Variants in AVPR1B observed in about 807,000 individuals in gnomAD.
AVPR1B encodes the protein arginine vasopressin receptor 1B, also known as vasopressin V1b receptor.
Under a neutral mutation model 27.5 loss-of-function variants are expected in AVPR1B, and 25 were observed. The observed-to-expected ratio is 0.91, with a 90% CI of 0.66 to 1.27. The LOEUF is 1.27. AVPR1B is among the 50% of genes most tolerant of loss of function. The pLI, the probability that AVPR1B is intolerant of heterozygous loss-of-function variation, is 0.00. For missense variants in AVPR1B, 595 were observed against 556.9 expected (o/e 1.07, Z -0.69); for synonymous variants, 248 against 240.2 (o/e 1.03, Z -0.30).
rs1571881239 is a variant in AVPR1B, at chr1:206,110,143, A to C, written c.*46T>G. 6.5e-7 allele frequency: 1 copy of C among 1,542,610 alleles called. No homozygotes were observed. The highest frequency in any genetic ancestry group is 8.8e-7 in the Non-Finnish European group (1 of 1,142,038). On this transcript the variant is annotated 3_prime_UTR_variant, in exon 2 of 2. Coordinates refer to ENST00000367126, the MANE Select transcript of AVPR1B (RefSeq NM_000707.5). ...TTCCAGTGCCCGAGGTGGGCAGAGAACCTCCACTAGTCCTGGGGGCAGTAC... is the reference window on the plus strand; with the variant it reads ...TTCCAGTGCCCGAGGTGGGCAGAGACCCTCCACTAGTCCTGGGGGCAGTAC...
chr1:206,115,399 C>T (rs1663446885), intron 1 of AVPR1B, among the ~76,000 whole-genome samples: 1 of 152,186 alleles, frequency 6.6e-6, no homozygotes, highest in East Asian at 1.9e-4. Context: ...GTTCGTGGCA[C>T]CAAGAACCTG....
In AVPR1B at chr1:206,116,289, G is replaced by T. The variant is rs782684981; in HGVS notation, c.602C>A (p.Thr201Asn). Residue 201 changes from threonine to asparagine, a missense_variant, in exon 1 of 2, where the codon ACC becomes AAC. Thr to Asn is a moderately conservative substitution (Grantham distance 65, BLOSUM62 0). Transcript: ENST00000367126. Reference protein sequence around the residue: ...GFPWGPRAYLTWTTLAIFVLP... With the variant: ...GFPWGPRAYLNWTTLAIFVLP... ...AACGAAGATAGCCAGGGTGGTCCAG[G>T]TGAGGTAGGCCCGTGGCCCCCAAGG... The T allele has an allele frequency of 1.2e-6, 2 of 1,613,612 alleles. No homozygotes were observed. Among genetic ancestry groups the T allele is most frequent in the Non-Finnish European group, 1.7e-6 (2 of 1,180,046 alleles).
At chr1:206,110,749 T>C (rs1430703359) in intron 1 of AVPR1B, among the ~76,000 whole-genome samples, 1 of 152,206 alleles carries the variant, frequency 6.6e-6, no homozygotes, top group South Asian at 2.1e-4. Context: ...GTTTTTGTTG[T>C]GTAACTGCAG....
chr1:206,113,049 C>T (rs1311426977), intron 1 of AVPR1B, among the ~76,000 whole-genome samples: 1 of 152,156 alleles, frequency 6.6e-6, no homozygotes, highest in East Asian at 1.9e-4. Context: ...TCTGCTCCAT[C>T]GATGTGCATT....
chr1:206,115,911 G>A (rs2102339712), intron 1 of AVPR1B, 40 bp downstream of exon 1: 1 of 1,545,026 alleles, frequency 6.5e-7, no homozygotes, highest in East Asian at 2.3e-5. Context: ...CTCTCTTTCT[G>A]TCTCTCCCAC....
In AVPR1B at chr1:206,109,195, G is replaced by A. The variant is rs1046090981; in HGVS notation, c.*994C>T. Among the ~76,000 whole-genome samples the A allele has an allele frequency of 6.6e-6, 1 of 152,172 alleles. No individual in the cohort carries two copies. The highest frequency in any genetic ancestry group is 1.9e-4 in the East Asian group (1 of 5,192). The stretch of plus-strand genomic sequence containing the variant: ...AGGCAGAGCTGAGATTCAAACCCGG[G>A]CTCCTAACTGGATCACAGCATCCAT... On this transcript the variant is annotated 3_prime_UTR_variant, in exon 2 of 2. Transcript: ENST00000367126.
In AVPR1B at chr1:206,107,137, C is replaced by T. The variant is rs574280471; in HGVS notation, c.*3052G>A. On this transcript the variant is annotated 3_prime_UTR_variant, in exon 2 of 2. Coordinates refer to ENST00000367126, the MANE Select transcript of AVPR1B (RefSeq NM_000707.5). ...ATTCTGAGAAATCCCCGTAGTCAAC[C>T]GATGAACCCCTCCTGTCCTCCTCTC... is the stretch of plus-strand genomic sequence containing the variant. Among the ~76,000 whole-genome samples, 59 of 152,296 alleles carry T rather than the reference C, an allele frequency of 3.9e-4. No individual in the cohort carries two copies. In the South Asian group the frequency reaches 0.012, roughly 31 times the overall value.
chr1:206,110,645 A>T (rs1571881871), intron 1 of AVPR1B, 122 bp from the exon 2 acceptor site: 1 of 821,440 alleles, frequency 1.2e-6, no homozygotes, highest in East Asian at 2.7e-5. Context: ...GAAAGGAGTC[A>T]CTCAGTGTCC....
At position 206,115,281 on chromosome 1, in the gene AVPR1B, C is replaced by G. The variant is rs553266253; in HGVS notation, c.940+670G>C. Among the ~76,000 whole-genome samples, 3 of 152,244 alleles carry G rather than the reference C, an allele frequency of 2.0e-5. No individual in the cohort carries two copies. In the South Asian group the frequency reaches 6.2e-4, roughly 32 times the overall value. On this transcript the variant is annotated intron_variant, in intron 1 of 1. Coordinates refer to ENST00000367126, the MANE Select transcript of AVPR1B (RefSeq NM_000707.5). ...AGGCCCAAAGTACACCAAACTGACGCCGATCTCATTTCACAGAGCTTAGCC... is the reference window on the plus strand; with the variant it reads ...AGGCCCAAAGTACACCAAACTGACGGCGATCTCATTTCACAGAGCTTAGCC...
rs782305101 is a variant in AVPR1B, at chr1:206,110,332, T to A, written c.1132A>T (p.Thr378Ser). The A allele has an allele frequency of 6.2e-7, 1 of 1,612,800 alleles. No individual in the cohort carries two copies. The highest frequency in any genetic ancestry group is 8.5e-7 in the Non-Finnish European group (1 of 1,179,644). ...SDGSLSSRHTTLLTRSSCPAT... is the reference protein window; with the variant it reads ...SDGSLSSRHTSLLTRSSCPAT... ...GGGCAGCTGGAGCGGGTCAGCAGCG[T>A]GGTGTGGCGGCTCGAGAGGCTGCCG... Residue 378 changes from threonine to serine, a missense_variant, in exon 2 of 2, where the codon ACG becomes TCG. Transcript: ENST00000367126.
Position 206,116,016 on chromosome 1 carries a change from G to C in AVPR1B, c.875C>G (p.Ala292Gly), listed in dbSNP as rs1011962366. The change falls in exon 1 of 2, where the codon GCT becomes GGT. Residue 292 changes from alanine (A) to glycine (G), a missense_variant. Coordinates refer to ENST00000367126, the MANE Select transcript of AVPR1B (RefSeq NM_000707.5). Reference protein sequence around the residue: ...MTFVIVLAYIACWAPFFSVQM... With the variant: ...MTFVIVLAYIGCWAPFFSVQM... The stretch of plus-strand genomic sequence containing the variant: ...GACACTGAAGAAGGGAGCCCAGCAA[G>C]CGATGTAGGCCAGCACGATGACAAA... 2 of 1,614,180 alleles carry C rather than the reference G, an allele frequency of 1.2e-6. No individual in the cohort carries two copies. The highest frequency in any genetic ancestry group is 1.7e-6 in the Non-Finnish European group (2 of 1,179,996).
intron 1 of AVPR1B, among the ~76,000 whole-genome samples, chr1:206,114,713 A>T (rs957784615): frequency 2.0e-5 from 3 of 152,152 alleles, no homozygotes; most frequent in Non-Finnish European, 4.4e-5. Context: ...TTTTAAAATC[A>T]GGGTTATTAA....
At chr1:206,114,644 T>C (rs1474649634) in intron 1 of AVPR1B, among the ~76,000 whole-genome samples, 1 of 152,190 alleles carries the variant, frequency 6.6e-6, no homozygotes, top group Non-Finnish European at 1.5e-5. Flanking sequence ...CACAGTCCTC[T>C]TAGAGGTTCC....
At position 206,110,307 on chromosome 1, in the gene AVPR1B, G is replaced by A. The variant is rs568334919; in HGVS notation, c.1157C>T (p.Pro386Leu). The A allele has an allele frequency of 1.5e-4, 234 of 1,613,656 alleles. No homozygotes were observed. The highest frequency in any genetic ancestry group is 4.0e-4 in the Admixed American group (24 of 60,004). Reference sequence around the variant, plus strand: ...GCTGAGGCTGAGGCTGAGGGTGGCCGGGCAGCTGGAGCGGGTCAGCAGCGT... The same window carrying A: ...GCTGAGGCTGAGGCTGAGGGTGGCCAGGCAGCTGGAGCGGGTCAGCAGCGT... Reference protein sequence around the residue: ...HTTLLTRSSCPATLSLSLSLT... With the variant: ...HTTLLTRSSCLATLSLSLSLT... The change falls in exon 2 of 2, where the codon CCG becomes CTG. Residue 386 changes from proline to leucine, a missense_variant. Coordinates refer to ENST00000367126, the MANE Select transcript of AVPR1B (RefSeq NM_000707.5).
At position 206,110,529 on chromosome 1, in the gene AVPR1B, A is replaced by G. The variant is rs782144529; in HGVS notation, c.941-6T>C. 6.3e-7 allele frequency: 1 copy of G among 1,596,574 alleles called. No individual in the cohort carries two copies. Among genetic ancestry groups the G allele is most frequent in the Non-Finnish European group, 8.6e-7 (1 of 1,168,660 alleles). On this transcript the variant is annotated splice_region_variant and splice_polypyrimidine_tract_variant and intron_variant, in intron 1 of 1. Coordinates refer to ENST00000367126, the MANE Select transcript of AVPR1B (RefSeq NM_000707.5). ...GAAAGCCACATTGGTGGAATCTACCAAGAGAGAAGCATGAGAAGCCTCAGA... is the reference window on the plus strand; with the variant it reads ...GAAAGCCACATTGGTGGAATCTACCGAGAGAGAAGCATGAGAAGCCTCAGA...
rs1409301153 is a variant in AVPR1B, at chr1:206,109,126, C to G, written c.*1063G>C. Among the ~76,000 whole-genome samples the G allele has an allele frequency of 6.6e-6, 1 of 152,122 alleles. No individual in the cohort carries two copies. The highest frequency in any genetic ancestry group is 6.6e-5 in the Admixed American group (1 of 15,262). On this transcript the variant is annotated 3_prime_UTR_variant, in exon 2 of 2. Transcript: ENST00000367126. ...TATTACACAGGTGAGGAGACTGGGTCCTGGAAAGGGAGAGTGACTCACCCA... is the reference window on the plus strand; with the variant it reads ...TATTACACAGGTGAGGAGACTGGGTGCTGGAAAGGGAGAGTGACTCACCCA...
Position 206,109,999 on chromosome 1 carries a change from T to C in AVPR1B, c.*190A>G, listed in dbSNP as rs1395895640. ...GCCAGTGTCTGAGATTGGGAGCTTA[T>C]GAGGCAGCCCTCACACTAGGGGCAG... On this transcript the variant is annotated 3_prime_UTR_variant, in exon 2 of 2. Coordinates refer to ENST00000367126, the MANE Select transcript of AVPR1B (RefSeq NM_000707.5). 1.1e-5 allele frequency: 7 copies of C among 625,318 alleles called. No individual in the cohort carries two copies. The highest frequency in any genetic ancestry group is 1.9e-5 in the Non-Finnish European group (7 of 363,676). The allele number at this position is 625,318 out of a possible 1,614,324, so 38.7% of individuals were successfully genotyped here. A position where few individuals can be genotyped will look rare whatever the true frequency, so the allele number is the denominator to read the frequency against.
rs781813621 is a variant in AVPR1B, at chr1:206,110,210, G to C, written c.1254C>G (p.Thr418=). 3 of 1,611,378 alleles carry C rather than the reference G, an allele frequency of 1.9e-6. No individual in the cohort carries two copies. In the African/African-American group the frequency reaches 4.0e-5, roughly 22 times the overall value. The change falls in exon 2 of 2, where the codon ACC becomes ACG. Residue 418 remains threonine (T), a synonymous_variant. Transcript: ENST00000367126. ...RDLELADGEG[T]AETIIF ...TTTCCTAAAAGATGATGGTCTCAGC[G>C]GTGCCTTCCCCATCTGCCAGCTCCA...
rs1231539323 is a variant in AVPR1B, at chr1:206,109,300, C to T, written c.*889G>A. ...TGTCACCTTTTCTCAAAGGAGGTCT[C>T]CTCTGTGTAGCCCCCGGGGAAAGAG... On this transcript the variant is annotated 3_prime_UTR_variant, in exon 2 of 2. Coordinates refer to ENST00000367126, the MANE Select transcript of AVPR1B (RefSeq NM_000707.5). 6.6e-6 allele frequency among the ~76,000 whole-genome samples: 1 copy of T among 152,084 alleles called. No individual in the cohort carries two copies. Among genetic ancestry groups the T allele is most frequent in the East Asian group, 1.9e-4 (1 of 5,180 alleles).
Sources: gnomAD v4.1 joint callset for allele counts (sites outside exome capture counted in the v4.1 genomes callset) on GRCh38, gnomAD v4.1.1 for gene constraint, MANE v1.5 for transcripts, NCBI Gene and HGNC (gene_info 2026-07-23, HGNC 2026-07-21) for gene names.